RTN1: variants seen among roughly 807,000 people sequenced by gnomAD.
RTN1 encodes the protein reticulon-1.
A neutral mutation model predicts 65.5 loss-of-function variants in RTN1; 25 were observed. The ratio of observed to expected loss-of-function variants is 0.38; its 90% CI spans 0.28 to 0.53. The LOEUF (loss-of-function observed/expected upper bound fraction) is 0.53. RTN1 is among the 20% of genes least tolerant of loss of function. RTN1 has a pLI of 0.79. For synonymous variants in RTN1, 471 were observed against 447.6 expected (o/e 1.05, Z -0.66); for missense variants, 983 against 1,025.4 (o/e 0.96, Z 0.57).
intron 1 of RTN1, among the ~76,000 whole-genome samples, chr14:59,775,038 C>T (rs182540748): frequency 3.9e-5 from 6 of 152,110 alleles, no homozygotes; most frequent in African/African-American, 1.2e-4. Flanking sequence ...AAGGTATTAC[C>T]GGGATGTAGT....
chr14:59,750,353 T>TAATATCTATAATATATTA (rs1885460790), intron 1 of RTN1, among the ~76,000 whole-genome samples: 2 of 8,792 alleles, frequency 2.3e-4, no homozygotes, highest in Non-Finnish European at 3.4e-4. Context: ...ATAATATATA[T>TAATATCTATAATATATTA]TATATCTATA....
intron 3 of RTN1, among the ~76,000 whole-genome samples, chr14:59,661,881 G>C (rs943224172): frequency 3.3e-5 from 5 of 152,146 alleles, no homozygotes; most frequent in Admixed American, 1.3e-4. Flanking sequence ...ATTCAACATA[G>C]TGTTGGAAGT....
At chr14:59,680,261 A>G (rs887795707) in intron 3 of RTN1, among the ~76,000 whole-genome samples, 1 of 152,114 alleles carries the variant, frequency 6.6e-6, no homozygotes, top group Non-Finnish European at 1.5e-5. Context: ...GCTTAATAGT[A>G]CTAAAAAGGA....
intron 1 of RTN1, among the ~76,000 whole-genome samples, chr14:59,863,269 C>T: frequency 6.6e-6 from 1 of 152,086 alleles, no homozygotes; most frequent in East Asian, 1.9e-4. Flanking sequence ...TATTCAGTTT[C>T]CTTTATAACA....
At chr14:59,611,624 A>G (rs1209864840) in intron 3 of RTN1, among the ~76,000 whole-genome samples, 3 of 152,016 alleles carry the variant, frequency 2.0e-5, no homozygotes, top group African/African-American at 7.3e-5. Flanking sequence ...CTGTGTCTGT[A>G]GCCTCATTTG....
In RTN1 at chr14:59,689,849, A is replaced by C. The variant is rs138531936; in HGVS notation, c.1765+37070T>G. Reference sequence around the variant, plus strand: ...AAAAGAATGAATGATACCTGTTACCACAAAAATAAACTTAAGTACACAGCC... The same window carrying C: ...AAAAGAATGAATGATACCTGTTACCCCAAAAATAAACTTAAGTACACAGCC... On this transcript the variant is annotated intron_variant, in intron 3 of 8. Transcript: ENST00000267484. 7.0e-3 allele frequency among the ~76,000 whole-genome samples: 1,067 copies of C among 152,310 alleles called. 12 individuals are homozygous for C. Among genetic ancestry groups the C allele is most frequent in the African/African-American group, 0.024 (1,006 of 41,560 alleles).
intron 3 of RTN1, among the ~76,000 whole-genome samples, chr14:59,624,793 G>C (rs1882349358): frequency 6.6e-6 from 1 of 152,172 alleles, no homozygotes; most frequent in Non-Finnish European, 1.5e-5. Flanking sequence ...AAAGGTGACA[G>C]TATATCAACA....
At chr14:59,861,742 T>C (rs1007152700) in intron 1 of RTN1, among the ~76,000 whole-genome samples, 1 of 152,206 alleles carries the variant, frequency 6.6e-6, no homozygotes, top group Non-Finnish European at 1.5e-5. Flanking sequence ...CTGGGTCAAG[T>C]CTTCTTCCTT....
chr14:59,689,118 A>T (rs1259932170), intron 3 of RTN1, among the ~76,000 whole-genome samples: 2 of 152,170 alleles, frequency 1.3e-5, no homozygotes, highest in African/African-American at 4.8e-5. Context: ...TCTTAAAAAA[A>T]ACCAGAACTT....
intron 1 of RTN1, among the ~76,000 whole-genome samples, chr14:59,834,381 A>T (rs924577313): frequency 2.6e-5 from 4 of 152,184 alleles, no homozygotes; most frequent in African/African-American, 9.7e-5. Context: ...CAAAAATTAA[A>T]ACTTGTCCTC....
chr14:59,646,311 T>C (rs1322803417), intron 3 of RTN1, among the ~76,000 whole-genome samples: 1 of 152,168 alleles, frequency 6.6e-6, no homozygotes, highest in Non-Finnish European at 1.5e-5. Flanking sequence ...TATGGGATTA[T>C]ATAAAGAGGC....
chr14:59,631,540 T>C (rs1390586026), intron 3 of RTN1, among the ~76,000 whole-genome samples: 1 of 151,922 alleles, frequency 6.6e-6, no homozygotes, highest in East Asian at 1.9e-4. Flanking sequence ...ATGTCAGGAG[T>C]CCACAGTTAA....
chr14:59,654,151 C>T (rs1384053717), intron 3 of RTN1, among the ~76,000 whole-genome samples: 8 of 152,066 alleles, frequency 5.3e-5, no homozygotes, highest in South Asian at 2.1e-4. Context: ...AGGGGCTGGA[C>T]GCAGTGGCTC....
At chr14:59,789,647 C>T (rs568012674) in intron 1 of RTN1, among the ~76,000 whole-genome samples, 1 of 152,090 alleles carries the variant, frequency 6.6e-6, no homozygotes, top group East Asian at 1.9e-4. Flanking sequence ...GGTATAACAA[C>T]ATGCTTGGGA....
chr14:59,616,869 C>T (rs545873589), intron 3 of RTN1, among the ~76,000 whole-genome samples: 12 of 152,276 alleles, frequency 7.9e-5, no homozygotes, highest in Middle Eastern at 6.8e-3. Context: ...TTAAACATTG[C>T]TAAACCTTTT....
In RTN1 at chr14:59,672,296, C is replaced by G. The variant is rs190626269; in HGVS notation, c.1765+54623G>C. On this transcript the variant is annotated intron_variant, in intron 3 of 8. Coordinates refer to ENST00000267484, the MANE Select transcript of RTN1 (RefSeq NM_021136.3). ...CCATTCAGCAGAAAGTGAAATTAGA[C>G]AGTGCACCTCAACATAAAAAGCCAT... Among the ~76,000 whole-genome samples, 200 of 152,284 alleles carry G rather than the reference C, an allele frequency of 1.3e-3. 4 individuals are homozygous for G. The highest frequency in any genetic ancestry group is 0.011 in the Admixed American group (169 of 15,290).
intron 1 of RTN1, among the ~76,000 whole-genome samples, chr14:59,782,136 A>C (rs1594740921): frequency 6.6e-6 from 1 of 152,144 alleles, no homozygotes; most frequent in African/African-American, 2.4e-5. Context: ...ATGGGTCCTC[A>C]CCAGACACCA....
chr14:59,688,049 TG>T (rs1399551527), intron 3 of RTN1, among the ~76,000 whole-genome samples: 1 of 152,086 alleles, frequency 6.6e-6, no homozygotes, highest in Non-Finnish European at 1.5e-5. Context: ...CTTGAGCACC[TG>T]CTCATGTAGA....
At chr14:59,805,481 G>A (rs1178204849) in intron 1 of RTN1, among the ~76,000 whole-genome samples, 1 of 152,138 alleles carries the variant, frequency 6.6e-6, no homozygotes, top group Non-Finnish European at 1.5e-5. Flanking sequence ...GATTGGAACT[G>A]AACCACTGAC....
Sources: gnomAD v4.1 joint callset for allele counts (sites outside exome capture counted in the v4.1 genomes callset) on GRCh38, gnomAD v4.1.1 for gene constraint, MANE v1.5 for transcripts, NCBI Gene and HGNC (gene_info 2026-07-23, HGNC 2026-07-21) for gene names.